OPCML: variants seen among roughly 807,000 people sequenced by gnomAD.
OPCML encodes opioid binding protein/cell adhesion molecule like.
Under a neutral mutation model 37.8 loss-of-function variants are expected in OPCML, and 13 were observed. The ratio of observed to expected loss-of-function variants is 0.34; its 90% CI spans 0.22 to 0.55. The LOEUF (loss-of-function observed/expected upper bound fraction) is 0.55. OPCML is among the 20% of genes least tolerant of loss of function. The pLI is 0.91. For missense variants in OPCML, 341 were observed against 435.6 expected, an observed-to-expected ratio of 0.78 and a Z score of 1.93; for synonymous variants, 176 against 168.8, an observed-to-expected ratio of 1.04 and a Z score of -0.33.
chr11:132,701,471 C>T (rs939922035), intron 2 of OPCML, among the ~76,000 whole-genome samples: 3 of 152,266 alleles, frequency 2.0e-5, no homozygotes, highest in African/African-American at 4.8e-5. Flanking sequence ...ACACCTGCTT[C>T]CTTTTGATTC....
At chr11:133,130,321 A>G (rs1949583449) in intron 1 of OPCML, among the ~76,000 whole-genome samples, 1 of 152,178 alleles carries the variant, frequency 6.6e-6, no homozygotes, top group Non-Finnish European at 1.5e-5. Context: ...TAACTTCAAG[A>G]GGCCAAATAT....
At chr11:132,771,975 T>G (rs971880852) in intron 2 of OPCML, 1 of 152,228 alleles carries the variant, frequency 6.6e-6, no homozygotes, top group Non-Finnish European at 1.5e-5. Flanking sequence ...GAGCCAGGAA[T>G]AGTCCCTCTG....
At chr11:132,685,404 G>A (rs1943122223) in intron 2 of OPCML, among the ~76,000 whole-genome samples, 1 of 152,162 alleles carries the variant, frequency 6.6e-6, no homozygotes, top group South Asian at 2.1e-4. Flanking sequence ...AAGTTTTGAA[G>A]TCTGTAGCCT....
intron 2 of OPCML, among the ~76,000 whole-genome samples, chr11:132,868,063 G>A (rs1942643647): frequency 1.3e-5 from 2 of 152,274 alleles, no homozygotes; most frequent in South Asian, 2.1e-4. Context: ...CTCTGAGAGC[G>A]TAAAGTGCTT....
rs945016500 is a variant in OPCML at position 132,738,241 on chromosome 11, T to C, written c.147-80922A>G. On this transcript the variant is annotated intron_variant, in intron 2 of 7. Coordinates refer to ENST00000524381, the MANE Select transcript of OPCML (RefSeq NM_001012393.5). ...GCCAGGATCCAAACCTCAAAACTCA[T>C]GTCTATTCTTTTGCAGTACACCCTT... 1.2e-4 allele frequency among the ~76,000 whole-genome samples: 18 copies of C among 152,330 alleles called. No individual in the cohort carries two copies. The South Asian group carries it at 3.7e-3, about 32-fold the overall frequency.
intron 1 of OPCML, among the ~76,000 whole-genome samples, chr11:133,248,814 T>G (rs565136671): frequency 6.6e-6 from 1 of 152,248 alleles, no homozygotes; most frequent in African/African-American, 2.4e-5. Flanking sequence ...AGAGTGGAAT[T>G]TACAGTCATA....
chr11:132,807,552 A>G (rs1939087694), intron 2 of OPCML, among the ~76,000 whole-genome samples: 1 of 152,182 alleles, frequency 6.6e-6, no homozygotes, highest in South Asian at 2.1e-4. Flanking sequence ...CTTCACACAT[A>G]CTGGTTCTGA....
intron 2 of OPCML, among the ~76,000 whole-genome samples, chr11:132,753,578 G>A (rs3019853): frequency 0.78 from 119,353 of 152,176 alleles, 47,829 homozygotes; most frequent in East Asian, 0.96. Context: ...AGATAGATAT[G>A]GATAATAGGT....
At chr11:132,824,316 A>G (rs1331569779) in intron 2 of OPCML, among the ~76,000 whole-genome samples, 1 of 152,164 alleles carries the variant, frequency 6.6e-6, no homozygotes, top group South Asian at 2.1e-4. Context: ...TTCTCTTCAC[A>G]TCCAATTCAT....
intron 1 of OPCML, among the ~76,000 whole-genome samples, chr11:133,027,113 G>A (rs1947568787): frequency 6.6e-6 from 1 of 152,188 alleles, no homozygotes; most frequent in Admixed American, 6.5e-5. Flanking sequence ...GCCTCTCTGT[G>A]TCTCAGTTTT....
intron 1 of OPCML, among the ~76,000 whole-genome samples, chr11:133,454,129 CT>C (rs1339992972): frequency 6.6e-6 from 1 of 152,164 alleles, no homozygotes; most frequent in Non-Finnish European, 1.5e-5. Flanking sequence ...CAAATTAAGT[CT>C]CATTTGTTTC....
chr11:133,118,027 G>T, intron 1 of OPCML: 1 of 769,840 alleles, frequency 1.3e-6, no homozygotes, highest in Non-Finnish European at 1.6e-6. Context: ...AGTCTACAGG[G>T]GTGTGAAGTT....
At chr11:133,221,430 C>G (rs756752785) in intron 1 of OPCML, among the ~76,000 whole-genome samples, 1 of 152,198 alleles carries the variant, frequency 6.6e-6, no homozygotes, top group Non-Finnish European at 1.5e-5. Context: ...TCTTTCGTAA[C>G]GTGGAGCTAA....
intron 4 of OPCML, among the ~76,000 whole-genome samples, chr11:132,480,298 G>A (rs1463892179): frequency 6.6e-6 from 1 of 152,146 alleles, no homozygotes; most frequent in Non-Finnish European, 1.5e-5. Context: ...ATGAAATGAA[G>A]CAAGAAGGGA....
intron 1 of OPCML, among the ~76,000 whole-genome samples, chr11:133,195,323 G>A (rs546451011): frequency 2.2e-4 from 33 of 152,082 alleles, no homozygotes; most frequent in African/African-American, 3.9e-4. Flanking sequence ...AGGTAGCAGC[G>A]GTTCAATAAA....
intron 1 of OPCML, among the ~76,000 whole-genome samples, chr11:133,457,961 A>G (rs1466274023): frequency 6.6e-6 from 1 of 151,972 alleles, no homozygotes; most frequent in Admixed American, 6.6e-5. Flanking sequence ...CCTGGCCAAC[A>G]TGGTGAAACC....
chr11:132,502,564 T>A (rs1049882588), intron 4 of OPCML, among the ~76,000 whole-genome samples: 1 of 152,094 alleles, frequency 6.6e-6, no homozygotes, highest in African/African-American at 2.4e-5. Context: ...CGGAATACAG[T>A]TGCAATAATG....
At chr11:132,726,680 G>C (rs1944897294) in intron 2 of OPCML, among the ~76,000 whole-genome samples, 1 of 152,068 alleles carries the variant, frequency 6.6e-6, no homozygotes, top group Non-Finnish European at 1.5e-5. Flanking sequence ...CTGGCAGGAT[G>C]GTGGCTAGGA....
chr11:133,326,780 GGATGTGGA>G (rs1943474592), intron 1 of OPCML, among the ~76,000 whole-genome samples: 1 of 144,308 alleles, frequency 6.9e-6, no homozygotes, highest in Non-Finnish European at 1.5e-5. Flanking sequence ...GTGAGTGTGT[GGATGTGGA>G]TGTGGGGTGT....
Sources: allele counts gnomAD v4.1 joint callset (sites outside exome capture counted in the v4.1 genomes callset), GRCh38; gene constraint gnomAD v4.1.1; transcripts MANE v1.5; gene names NCBI Gene and HGNC (gene_info 2026-07-23, HGNC 2026-07-21).